Variants in NMT1 observed in about 807,000 individuals in gnomAD.
NMT1 encodes N-myristoyltransferase 1, also known as glycylpeptide N-tetradecanoyltransferase 1.
Under a neutral mutation model 63.4 loss-of-function variants are expected in NMT1, and 12 were observed. That is an observed-to-expected ratio of 0.19 (90% CI 0.12 to 0.31). NMT1 has a LOEUF of 0.31. Ranked by LOEUF, NMT1 falls within the 10% of genes least tolerant of loss-of-function variation. The pLI is 1.00. For missense variants in NMT1, 432 were observed against 634.6 expected (o/e 0.68, Z 3.43); for synonymous variants, 228 against 234.3 (o/e 0.97, Z 0.25).
At position 45,106,994 on chromosome 17, in the gene NMT1, T is replaced by C. The variant is rs2054206426; in HGVS notation, c.*1355T>C. The C allele has an allele frequency of 6.6e-6, 1 of 152,234 alleles. No individual in the cohort carries two copies. Among genetic ancestry groups the C allele is most frequent in the East Asian group, 1.9e-4 (1 of 5,206 alleles). The allele number at this position is 152,234 out of a possible 1,614,324, so 9.4% of individuals were successfully genotyped here. The stretch of plus-strand genomic sequence containing the variant: ...ACCGGGCAAAATTGGGCTGTGAAAT[T>C]GTACTTCCAGGCTTGGATGTAATTT... On this transcript the variant is annotated 3_prime_UTR_variant, in exon 12 of 12. Coordinates refer to ENST00000258960, the MANE Select transcript of NMT1 (RefSeq NM_021079.5).
At chr17:45,092,381 A>G (rs904352237) in intron 3 of NMT1, among the ~76,000 whole-genome samples, 7 of 127,342 alleles carry the variant, frequency 5.5e-5, no homozygotes, top group Admixed American at 3.7e-4. Flanking sequence ...TTTCCACCAC[A>G]CTTGCCCCAC....
At chr17:45,098,671 A>G (rs1054135007) in intron 7 of NMT1, 119 bp downstream of exon 7, 25 of 953,776 alleles carry the variant, frequency 2.6e-5, no homozygotes, top group Non-Finnish European at 3.8e-5. Flanking sequence ...GTATCTGGTA[A>G]GGCGGGCACT....
chr17:45,093,420 G>C (rs2054102063), intron 3 of NMT1, among the ~76,000 whole-genome samples: 1 of 152,266 alleles, frequency 6.6e-6, no homozygotes, highest in Non-Finnish European at 1.5e-5. Context: ...TTGTCATTCA[G>C]TGACCCAAGG....
At chr17:45,072,267 A>C (rs1346453311) in intron 1 of NMT1, among the ~76,000 whole-genome samples, 1 of 150,300 alleles carries the variant, frequency 6.7e-6, no homozygotes, top group Admixed American at 6.7e-5. Flanking sequence ...AAAAAAAAAA[A>C]CTCAGTATTT....
chr17:45,082,522 A>G (rs1025804711), intron 2 of NMT1, among the ~76,000 whole-genome samples: 1 of 152,248 alleles, frequency 6.6e-6, no homozygotes, highest in Non-Finnish European at 1.5e-5. Flanking sequence ...GTTCTACTCC[A>G]TGAGAACCAC....
At chr17:45,087,463 G>A (rs887786547) in intron 3 of NMT1, among the ~76,000 whole-genome samples, 1 of 152,138 alleles carries the variant, frequency 6.6e-6, no homozygotes, top group African/African-American at 2.4e-5. Context: ...AAGCTATAAT[G>A]AATTGCTAAA....
In NMT1 at chr17:45,061,351, G is replaced by A. The variant is rs907713546; in HGVS notation, c.22G>A (p.Ala8Thr). Residue 8 changes from alanine to threonine, a missense_variant, in exon 1 of 12, where the codon GCA (alanine) becomes ACA (threonine). By Grantham distance (58) the Ala-to-Thr change is moderately conservative. Transcript: ENST00000258960. MADESET[A>T]VKPPAPPLPQ... The stretch of plus-strand genomic sequence containing the variant: ...CAAGATGGCGGACGAGAGTGAGACA[G>A]CAGTGAAGCCGCCGGCACCTCCGCT... The A allele has an allele frequency of 6.2e-7, 1 of 1,613,998 alleles. No homozygotes were observed.
intron 7 of NMT1, among the ~76,000 whole-genome samples, chr17:45,099,049 G>A (rs886367158): frequency 6.6e-6 from 1 of 152,224 alleles, no homozygotes; most frequent in African/African-American, 2.4e-5. Flanking sequence ...TGTGAAAGCA[G>A]AAGGGGAGGA....
chr17:45,075,244 G>A (rs1449989992), intron 1 of NMT1, among the ~76,000 whole-genome samples: 1 of 152,134 alleles, frequency 6.6e-6, no homozygotes, highest in East Asian at 1.9e-4. Context: ...AGCATGTTGG[G>A]AGGCTGAGGT....
chr17:45,083,360 A>T (rs74516356), intron 2 of NMT1, among the ~76,000 whole-genome samples: 17,022 of 151,954 alleles, frequency 0.11, 1,021 homozygotes, highest in Middle Eastern at 0.17. Context: ...AAAAAGGAAC[A>T]GCCTCTGAAA....
rs2054221329 is a variant in NMT1, at chr17:45,108,847, A to G, written c.*3208A>G. On this transcript the variant is annotated 3_prime_UTR_variant, in exon 12 of 12. Transcript: ENST00000258960. ...AAAAAATACTGACTGGCTGGCAGGC[A>G]GGTGCCATGTCTGGGAACAGGGACG... The G allele has an allele frequency of 6.6e-6, 1 of 152,478 alleles. No homozygotes were observed. Among genetic ancestry groups the G allele is most frequent in the African/African-American group, 2.4e-5 (1 of 41,444 alleles). The allele number at this position is 152,478 out of a possible 1,614,324, so 9.4% of individuals were successfully genotyped here.
rs2054124422 is a variant in NMT1 at position 45,096,294 on chromosome 17, T to G, written c.596+9T>G. On this transcript the variant is annotated intron_variant, in intron 5 of 11. Transcript: ENST00000258960. ...CCGGAGTTTCTTTTGTGGTAAGTTG[T>G]GGGGGCTTTCTTGAGGTTCTTGAGA... 3 of 1,609,856 alleles carry G rather than the reference T, an allele frequency of 1.9e-6. No homozygotes were observed. Among genetic ancestry groups the G allele is most frequent in the Non-Finnish European group, 1.7e-6 (2 of 1,176,204 alleles).
At chr17:45,093,849 T>C in intron 4 of NMT1, 46 bp downstream of exon 4, 1 of 1,467,800 alleles carries the variant, frequency 6.8e-7, no homozygotes, top group Non-Finnish European at 9.5e-7. Flanking sequence ...GGAGCCACTT[T>C]CACAGTAAGC....
intron 1 of NMT1, among the ~76,000 whole-genome samples, chr17:45,080,252 C>G (rs2054007709): frequency 6.6e-6 from 1 of 151,932 alleles, no homozygotes; most frequent in Non-Finnish European, 1.5e-5. Context: ...CCTCTGCCTC[C>G]TGGGTTCAAG....
Position 45,097,109 on chromosome 17 carries a change from C to T in NMT1, c.597-19C>T, listed in dbSNP as rs765555117. 18 of 1,607,504 alleles carry T rather than the reference C, an allele frequency of 1.1e-5. No homozygotes were observed. The highest frequency in any genetic ancestry group is 1.6e-4 in the Middle Eastern group (1 of 6,066). On this transcript the variant is annotated intron_variant, in intron 5 of 11. Coordinates refer to ENST00000258960, the MANE Select transcript of NMT1 (RefSeq NM_021079.5). Reference sequence around the variant, plus strand: ...GCCTGCCGGCAAGCAGCACAACCACCCCAGCCTCTCTTTTCCAGGGCTCTC... The same window carrying T: ...GCCTGCCGGCAAGCAGCACAACCACTCCAGCCTCTCTTTTCCAGGGCTCTC...
Position 45,104,098 on chromosome 17 carries a change from T to C in NMT1, c.1332+222T>C, listed in dbSNP as rs757549899. 26 of 1,444,036 alleles carry C rather than the reference T, an allele frequency of 1.8e-5. No homozygotes were observed. Among genetic ancestry groups the C allele is most frequent in the Non-Finnish European group, 2.4e-5 (26 of 1,096,428 alleles). 89.5% of individuals were successfully genotyped at this position (1,444,036 alleles called of 1,614,324 possible). ...AGGCATTGAACTCCTCCTGATTCAT[T>C]TCAGTGAGTTTCGTTCTCACAGGAG... On this transcript the variant is annotated intron_variant, in intron 10 of 11. Transcript: ENST00000258960. The surrounding 1 kb of genome is among the most constrained non-coding windows in gnomAD (Gnocchi z 4.2).
In NMT1 at chr17:45,108,915, G is replaced by A. The variant is rs546438804; in HGVS notation, c.*3276G>A. On this transcript the variant is annotated 3_prime_UTR_variant, in exon 12 of 12. Transcript: ENST00000258960. The stretch of plus-strand genomic sequence containing the variant: ...TGTCTTGGCTTTTCTTTGGGCTGTG[G>A]GGGGGCATCCATTTCCAGGGTCGGG... 1.3e-5 allele frequency: 2 copies of A among 152,620 alleles called. No homozygotes were observed. The highest frequency in any genetic ancestry group is 3.8e-4 in the East Asian group (2 of 5,200). 9.5% of individuals were successfully genotyped at this position (152,620 alleles called of 1,614,324 possible). A position where few individuals can be genotyped will look rare whatever the true frequency, so the allele number is the denominator to read the frequency against.
Position 45,061,383 on chromosome 17 carries a change from G to C in NMT1, c.54G>C (p.Gln18His). 1 of 1,614,148 alleles carries C rather than the reference G, an allele frequency of 6.2e-7. No individual in the cohort carries two copies. The highest frequency in any genetic ancestry group is 8.5e-7 in the Non-Finnish European group (1 of 1,180,014). The change falls in exon 1 of 12, where the codon CAG becomes CAC. Residue 18 changes from glutamine to histidine, a missense_variant. By Grantham distance (24) the Gln-to-His change is conservative. Transcript: ENST00000258960. ...AGCCGCCGGCACCTCCGCTGCCGCA[G>C]ATGATGGAAGGGAACGGGAACGGCC... ...AVKPPAPPLPQMMEGNGNGHE... is the reference protein window; with the variant it reads ...AVKPPAPPLPHMMEGNGNGHE...
chr17:45,098,688 C>T lies in NMT1; in HGVS notation c.884+136C>T, dbSNP rs1598018005. 7 of 750,944 alleles carry T rather than the reference C, an allele frequency of 9.3e-6. No individual in the cohort carries two copies. In the East Asian group the frequency reaches 1.9e-4, roughly 20 times the overall value. The allele number at this position is 750,944 out of a possible 1,614,324, so 46.5% of individuals were successfully genotyped here. ...ATCTGGTAAGGCGGGCACTTGGTGC[C>T]TGCAGGAGCCAGATGGGGAGCATGG... On this transcript the variant is annotated intron_variant, in intron 7 of 11. Coordinates refer to ENST00000258960, the MANE Select transcript of NMT1 (RefSeq NM_021079.5).
Sources: gnomAD v4.1 joint callset for allele counts (sites outside exome capture counted in the v4.1 genomes callset) on GRCh38, gnomAD v4.1.1 for gene constraint, Gnocchi (gnomAD v3.1) non-coding constraint, MANE v1.5 for transcripts, NCBI Gene and HGNC (gene_info 2026-07-23, HGNC 2026-07-21) for gene names.